PDE1C: variants seen among roughly 807,000 people sequenced by gnomAD.
PDE1C encodes the protein phosphodiesterase 1C, also known as dual specificity calcium/calmodulin-dependent 3',5'-cyclic nucleotide phosphodiesterase 1C.
Under a neutral mutation model 93.1 loss-of-function variants are expected in PDE1C, and 62 were observed. The observed-to-expected ratio is 0.67, with a 90% CI of 0.54 to 0.82. The LOEUF (loss-of-function observed/expected upper bound fraction) is 0.82, where lower values mean the gene tolerates loss of function less well. PDE1C is among the 40% of genes least tolerant of loss of function. The pLI, the probability that PDE1C is intolerant of heterozygous loss-of-function variation, is 0.00. For synonymous variants in PDE1C, 325 were observed against 310.1 expected, an observed-to-expected ratio of 1.05 and a Z score of -0.50; for missense variants, 742 against 884.6, an observed-to-expected ratio of 0.84 and a Z score of 2.04.
At chr7:32,009,450 G>A (rs111939257) in intron 2 of PDE1C, among the ~76,000 whole-genome samples, 1,635 of 152,334 alleles carry the variant, frequency 0.011, 29 homozygotes, top group African/African-American at 0.036. Flanking sequence ...GCATGCATAT[G>A]AGAAAGACAT....
intron 2 of PDE1C, among the ~76,000 whole-genome samples, chr7:32,183,116 C>G (rs954384795): frequency 2.6e-5 from 4 of 151,988 alleles, no homozygotes; most frequent in South Asian, 4.2e-4. Flanking sequence ...CCTCTTCAAG[C>G]AGAACTACAA....
intron 7 of PDE1C, among the ~76,000 whole-genome samples, chr7:31,855,481 T>C (rs569662402): frequency 1.3e-5 from 2 of 152,066 alleles, no homozygotes; most frequent in African/African-American, 4.8e-5. Flanking sequence ...TCTTTTATAA[T>C]CCAATGTAAC....
At chr7:31,976,742 C>A (rs772452930) in intron 2 of PDE1C, among the ~76,000 whole-genome samples, 1 of 152,138 alleles carries the variant, frequency 6.6e-6, no homozygotes, top group Non-Finnish European at 1.5e-5. Flanking sequence ...AAACATATAT[C>A]GAATTATATC....
intron 2 of PDE1C, among the ~76,000 whole-genome samples, chr7:32,050,519 C>T (rs1793200340): frequency 6.6e-6 from 1 of 151,886 alleles, no homozygotes; most frequent in South Asian, 2.1e-4. Flanking sequence ...GAATGAACAA[C>T]GTGAGGTGAT....
At chr7:32,127,172 C>T (rs1190032024) in intron 3 of PDE1C, among the ~76,000 whole-genome samples, 1 of 152,148 alleles carries the variant, frequency 6.6e-6, no homozygotes, top group Non-Finnish European at 1.5e-5. Context: ...TTTAGCCTGC[C>T]AGCCTTCAGA....
intron 1 of PDE1C, among the ~76,000 whole-genome samples, chr7:32,232,688 G>A (rs1001417064): frequency 7.2e-5 from 11 of 152,186 alleles, no homozygotes; most frequent in Non-Finnish European, 1.5e-4. Context: ...TCTGTGAGCA[G>A]CACACAATTA....
chr7:32,307,297 C>T (rs1813029535), intron 1 of PDE1C, among the ~76,000 whole-genome samples: 1 of 152,080 alleles, frequency 6.6e-6, no homozygotes, highest in Non-Finnish European at 1.5e-5. Flanking sequence ...TTCATCAGCA[C>T]CTAGACCCTC....
intron 2 of PDE1C, among the ~76,000 whole-genome samples, chr7:32,049,285 C>G (rs1793022326): frequency 6.6e-6 from 1 of 152,140 alleles, no homozygotes; most frequent in South Asian, 2.1e-4. Context: ...AGGAAGCTTT[C>G]AAGTTTTAGT....
At chr7:32,110,564 C>G (rs1798583416) in intron 3 of PDE1C, among the ~76,000 whole-genome samples, 1 of 152,108 alleles carries the variant, frequency 6.6e-6, no homozygotes, top group African/African-American at 2.4e-5. Context: ...AATCATCATC[C>G]CTCAAGATGG....
intron 16 of PDE1C, among the ~76,000 whole-genome samples, chr7:31,802,615 TTAAG>T (rs1786210154): frequency 6.6e-6 from 1 of 151,750 alleles, no homozygotes; most frequent in African/African-American, 2.4e-5. Flanking sequence ...GATGAATTCA[TTAAG>T]TTTTTGTATG....
intron 2 of PDE1C, among the ~76,000 whole-genome samples, chr7:31,892,117 C>G (rs1225108550): frequency 6.6e-6 from 1 of 152,160 alleles, no homozygotes; most frequent in African/African-American, 2.4e-5. Context: ...CTTTCCCCAG[C>G]TGGTTTTATA....
intron 2 of PDE1C, chr7:31,893,548 T>C: frequency 1.1e-6 from 1 of 949,488 alleles, no homozygotes; most frequent in Non-Finnish European, 1.3e-6. Context: ...CTCCTTTCAC[T>C]TTTAGTTCTA....
chr7:31,750,290 C>T (rs1324601649), downstream of PDE1C, among the ~76,000 whole-genome samples: 1 of 25,172 alleles, frequency 4.0e-5, no homozygotes, highest in Non-Finnish European at 8.1e-4. Context: ...GATGAAGGCC[C>T]AAGGAGGCCA....
intron 1 of PDE1C, among the ~76,000 whole-genome samples, chr7:32,358,413 G>T (rs1033575033): frequency 3.3e-5 from 5 of 152,232 alleles, no homozygotes; most frequent in African/African-American, 1.2e-4. Flanking sequence ...CTCTCAAGCT[G>T]CAGTGTGTTC....
chr7:31,886,876 A>ACTCAGAATAGATCTT (rs1583793687), intron 2 of PDE1C, among the ~76,000 whole-genome samples: 221 of 18,632 alleles, frequency 0.012, no homozygotes, highest in East Asian at 0.029. Context: ...ATTCGGATCT[A>ACTCAGAATAGATCTT]TTCAGGGGCG....
Position 31,788,567 on chromosome 7 carries a change from A to G in PDE1C, c.1892-12835T>C, listed in dbSNP as rs78704587. 750 of 152,166 alleles carry G rather than the reference A, an allele frequency of 4.9e-3. 4 individuals carry two copies. The highest frequency in any genetic ancestry group is 0.017 in the African/African-American group (715 of 41,508). 9.4% of individuals were successfully genotyped at this position (152,166 alleles called of 1,614,324 possible). ...CCCTCTCCAATTTCTCACAGTCCCC[A>G]TTGCTCCTTCCTGTCTTGCTGATAC... On this transcript the variant is annotated intron_variant, in intron 16 of 17. Coordinates refer to ENST00000396191, the MANE Select transcript of PDE1C (RefSeq NM_001191057.4).
At position 31,865,050 on chromosome 7, in the gene PDE1C, C is replaced by A. The variant is rs1462839750; in HGVS notation, c.642G>T (p.Glu214Asp). Residue 214 changes from glutamate to aspartate, a missense_variant, in exon 7 of 18, where the codon GAG becomes GAT. Glu to Asp is a conservative substitution (Grantham distance 45, BLOSUM62 2). Around this residue, in one of 4 missense-constraint regions of PDE1C, gnomAD observed 205 missense variants for 295.3 expected, o/e 0.69. Coordinates refer to ENST00000396191, the MANE Select transcript of PDE1C (RefSeq NM_001191057.4). The part of the protein sequence containing the change: ...IPISALVSFV[E>D]ALEVGYSKHK... Reference sequence around the variant, plus strand: ...GCTTGCTGTATCCCACTTCCAGGGCCTCCACAAATGAGACAAGTGCAGAAA... The same window carrying A: ...GCTTGCTGTATCCCACTTCCAGGGCATCCACAAATGAGACAAGTGCAGAAA... 7 of 1,613,924 alleles carry A rather than the reference C, an allele frequency of 4.3e-6. No individual in the cohort carries two copies. In the East Asian group the frequency reaches 1.1e-4, roughly 26 times the overall value.
At chr7:31,791,061 T>C (rs1336759731) in intron 16 of PDE1C, among the ~76,000 whole-genome samples, 2 of 152,118 alleles carry the variant, frequency 1.3e-5, no homozygotes, top group Non-Finnish European at 2.9e-5. Flanking sequence ...GGTAACACTA[T>C]TATCTACAGA....
chr7:32,367,516 C>T (rs1784250073), intron 1 of PDE1C, among the ~76,000 whole-genome samples: 1 of 152,154 alleles, frequency 6.6e-6, no homozygotes, highest in Non-Finnish European at 1.5e-5. Flanking sequence ...CTACAAGAAA[C>T]TCACCTCACC....
Sources: gnomAD v4.1 joint callset for allele counts (sites outside exome capture counted in the v4.1 genomes callset) on GRCh38, gnomAD v4.1.1 for gene constraint, gnomAD v4.1.1 regional missense constraint, MANE v1.5 for transcripts, NCBI Gene and HGNC (gene_info 2026-07-23, HGNC 2026-07-21) for gene names.